The following FBXO15 variants were observed in gnomAD, a reference collection of about 807,000 sequenced individuals.
FBXO15 encodes the protein F-box only protein 15.
In FBXO15, 30 loss-of-function variants were observed where a neutral mutation model predicts 49.5. That is an observed-to-expected ratio of 0.61 (90% CI 0.45 to 0.82). The LOEUF (loss-of-function observed/expected upper bound fraction) is 0.82, where lower values mean the gene tolerates loss of function less well. Among genes scored for constraint, FBXO15 ranks in the 40% least tolerant of loss-of-function variants. The pLI is 0.00. For missense variants in FBXO15, 591 were observed against 631.5 expected (o/e 0.94, Z 0.69); for synonymous variants, 250 against 232.7 (o/e 1.07, Z -0.68).
chr18:74,109,695 T>C (rs1048881440), intron 8 of FBXO15, among the ~76,000 whole-genome samples: 1 of 152,162 alleles, frequency 6.6e-6, no homozygotes, highest in Non-Finnish European at 1.5e-5. Context: ...TGGATGAAGC[T>C]GGAAACTATC....
intron 8 of FBXO15, among the ~76,000 whole-genome samples, chr18:74,101,252 A>G (rs758415827): frequency 1.4e-4 from 21 of 152,204 alleles, no homozygotes; most frequent in Non-Finnish European, 2.4e-4. Flanking sequence ...ATGGTTTTAC[A>G]TAATGCAAGC....
At chr18:74,084,817 G>A (rs1255636133) in intron 8 of FBXO15, among the ~76,000 whole-genome samples, 3 of 152,158 alleles carry the variant, frequency 2.0e-5, no homozygotes, top group Non-Finnish European at 2.9e-5. Context: ...GTCAAGTTCC[G>A]AACTCAGTAA....
chr18:74,110,432 G>T (rs1002490603), intron 8 of FBXO15, among the ~76,000 whole-genome samples: 12 of 151,470 alleles, frequency 7.9e-5, no homozygotes, highest in Non-Finnish European at 1.5e-4. Context: ...AAGACAAAAT[G>T]GAATCATATA....
rs372062200 is a variant in FBXO15 at position 74,081,934 on chromosome 18, C to T, written c.1256G>A (p.Cys419Tyr). The T allele has an allele frequency of 1.2e-6, 2 of 1,610,510 alleles. No individual in the cohort carries two copies. Among genetic ancestry groups the T allele is most frequent in the Non-Finnish European group, 8.5e-7 (1 of 1,178,292 alleles). The change falls in exon 9 of 10, where the codon TGT (cysteine) becomes TAT (tyrosine). Residue 419 changes from cysteine to tyrosine, a missense_variant. Physicochemically the swap from Cys to Tyr is radical, Grantham distance 194 (BLOSUM62 -2). Transcript: ENST00000419743. ...AAACGGTTCTGTTTTTACCTTTATA[C>T]AGCCATCAAAAATATCAGTTTTCCA... ...LSWKTDIFDG[C>Y]IKSCSMMDVT... is the part of the protein sequence containing the mutation.
At position 74,140,392 on chromosome 18, in the gene FBXO15, A is replaced by C; in HGVS notation, c.117-80T>G. On this transcript the variant is annotated intron_variant, in intron 1 of 9. Coordinates refer to ENST00000419743, the MANE Select transcript of FBXO15 (RefSeq NM_001142958.2). ...TCTATTCCCTTCTACAAAATTCCAA[A>C]GGATTCATAAACTCCAAAGATTACT... is the stretch of plus-strand genomic sequence containing the variant. 3 of 1,267,440 alleles carry C rather than the reference A, an allele frequency of 2.4e-6. No homozygotes were observed. The East Asian group carries it at 8.3e-5, about 35-fold the overall frequency. 78.5% of individuals were successfully genotyped at this position (1,267,440 alleles called of 1,614,324 possible). A position where few individuals can be genotyped will look rare whatever the true frequency, so the allele number is the denominator to read the frequency against.
At chr18:74,100,413 G>A (rs1462677826) in intron 8 of FBXO15, among the ~76,000 whole-genome samples, 4 of 152,064 alleles carry the variant, frequency 2.6e-5, no homozygotes, top group Non-Finnish European at 5.9e-5. Context: ...TACAGCAAAA[G>A]TGGTGCTAAG....
At chr18:74,134,025 G>A (rs188839360) in intron 3 of FBXO15, among the ~76,000 whole-genome samples, 3 of 152,266 alleles carry the variant, frequency 2.0e-5, no homozygotes, top group East Asian at 3.9e-4. Context: ...GAAGGGAAAT[G>A]TAGAAATTGC....
rs931849953 is a variant in FBXO15 at position 74,147,432 on chromosome 18, G to A, written c.116+238C>T. On this transcript the variant is annotated intron_variant, in intron 1 of 9. Transcript: ENST00000419743. Reference sequence around the variant, plus strand: ...GCAGGTGCGCGCATCCCCGGCCACAGGCGCCGCAAGAAAAAATATTTCCCC... The same window carrying A: ...GCAGGTGCGCGCATCCCCGGCCACAAGCGCCGCAAGAAAAAATATTTCCCC... 50 of 1,126,860 alleles carry A rather than the reference G, an allele frequency of 4.4e-5. No homozygotes were observed. The East Asian group carries it at 1.7e-3, about 38-fold the overall frequency. 69.8% of individuals were successfully genotyped at this position (1,126,860 alleles called of 1,614,324 possible).
chr18:74,137,228 A>G (rs2145217857), intron 2 of FBXO15, among the ~76,000 whole-genome samples: 1 of 152,352 alleles, frequency 6.6e-6, no homozygotes, highest in South Asian at 2.1e-4. Context: ...GAGTCAATAA[A>G]TTAGATCCTT....
At chr18:74,099,429 T>G (rs1399294347) in intron 8 of FBXO15, 1 of 152,126 alleles carries the variant, frequency 6.6e-6, no homozygotes, top group Non-Finnish European at 1.5e-5. Context: ...AAAGGAGGGC[T>G]AAATCTTGAA....
rs111919195 is a variant in FBXO15, at chr18:74,094,773, C to A, written c.1139-12722G>T. Among the ~76,000 whole-genome samples the A allele has an allele frequency of 2.3e-3, 352 of 152,304 alleles. 1 individual carries two copies. Among genetic ancestry groups the A allele is most frequent in the African/African-American group, 8.1e-3 (337 of 41,564 alleles). ...AGTAAACAGCTGCATTAGCCATGAA[C>A]AAGAAAGTCAACCTGTCCTTTGAAG... On this transcript the variant is annotated intron_variant, in intron 8 of 9. Coordinates refer to ENST00000419743, the MANE Select transcript of FBXO15 (RefSeq NM_001142958.2).
chr18:74,110,193 G>GTATATATATATATA (rs1568168382), intron 8 of FBXO15, among the ~76,000 whole-genome samples: 1 of 12,436 alleles, frequency 8.0e-5, no homozygotes, highest in African/African-American at 2.6e-4. Flanking sequence ...ACATATGTGT[G>GTATATATATATATA]CATATATATA....
rs142965191 is a variant in FBXO15 at position 74,107,543 on chromosome 18, A to G, written c.1138+15825T>C. On this transcript the variant is annotated intron_variant, in intron 8 of 9. Coordinates refer to ENST00000419743, the MANE Select transcript of FBXO15 (RefSeq NM_001142958.2). ...AAATTGGAGAGACAGACAGGAGAAT[A>G]CAGAGACGCGTAGCTCTATTGAGCC... Among the ~76,000 whole-genome samples the G allele has an allele frequency of 5.9e-4, 90 of 152,284 alleles. 1 individual carries two copies. Among genetic ancestry groups the G allele is most frequent in the African/African-American group, 2.1e-3 (89 of 41,560 alleles).
At chr18:74,108,205 T>C (rs1028223290) in intron 8 of FBXO15, among the ~76,000 whole-genome samples, 1 of 152,058 alleles carries the variant, frequency 6.6e-6, no homozygotes, top group African/African-American at 2.4e-5. Context: ...AGAACCAGAC[T>C]CAGCTGTGAC....
At chr18:74,107,494 G>A (rs76155196) in intron 8 of FBXO15, among the ~76,000 whole-genome samples, 1,708 of 152,272 alleles carry the variant, frequency 0.011, 10 homozygotes, top group Middle Eastern at 0.034. Flanking sequence ...GAAAAGTGAA[G>A]TCACAGGGCA....
intron 8 of FBXO15, among the ~76,000 whole-genome samples, chr18:74,105,341 A>C (rs761968060): frequency 1.3e-5 from 2 of 152,252 alleles, no homozygotes; most frequent in Non-Finnish European, 2.9e-5. Context: ...GATGAACCTC[A>C]CAAGTATATT....
At chr18:74,123,207 G>A in intron 8 of FBXO15, 161 bp downstream of exon 8, 1 of 709,516 alleles carries the variant, frequency 1.4e-6, no homozygotes, top group Non-Finnish European at 2.3e-6. Context: ...GTCCAGTGAG[G>A]ACTTTCACAA....
At position 74,088,256 on chromosome 18, in the gene FBXO15, C is replaced by T. The variant is rs147161004; in HGVS notation, c.1139-6205G>A. On this transcript the variant is annotated intron_variant, in intron 8 of 9. Coordinates refer to ENST00000419743, the MANE Select transcript of FBXO15 (RefSeq NM_001142958.2). ...GTTTTGTTGCAATTATTTTTGGTGT[C>T]TTCATCATGAAATCTTTGCCAGTCC... Among the ~76,000 whole-genome samples the T allele has an allele frequency of 3.9e-5, 6 of 152,190 alleles. 1 individual carries two copies. The highest frequency in any genetic ancestry group is 1.4e-4 in the African/African-American group (6 of 41,532).
intron 6 of FBXO15, among the ~76,000 whole-genome samples, chr18:74,125,075 T>C (rs1278913648): frequency 6.6e-6 from 1 of 152,202 alleles, no homozygotes; most frequent in Admixed American, 6.5e-5. Flanking sequence ...ATTTGGGGAC[T>C]GACCTCCATT....
Sources: allele counts gnomAD v4.1 joint callset (sites outside exome capture counted in the v4.1 genomes callset), GRCh38; gene constraint gnomAD v4.1.1; transcripts MANE v1.5; gene names NCBI Gene and HGNC (gene_info 2026-07-23, HGNC 2026-07-21).